Variants in ZFR observed in about 807,000 individuals in gnomAD.
The protein encoded by ZFR is zinc finger RNA-binding protein.
ZFR carries 19 observed loss-of-function variants against 130.7 expected under a neutral mutation model. That is an observed-to-expected ratio of 0.15 (90% CI 0.10 to 0.21). The LOEUF (loss-of-function observed/expected upper bound fraction) is 0.21. Among genes scored for constraint, ZFR ranks in the 10% least tolerant of loss-of-function variants. The pLI is 1.00. For synonymous variants in ZFR, 466 were observed against 456.9 expected (o/e 1.02, Z -0.25); for missense variants, 872 against 1,321.5 (o/e 0.66, Z 5.27).
At chr5:32,363,866 T>A in intron 19 of ZFR, 82 bp downstream of exon 19, 1 of 1,160,704 alleles carries the variant, frequency 8.6e-7, no homozygotes, top group Non-Finnish European at 1.2e-6. Context: ...TAGTGACTTA[T>A]AATATTCCTT....
At chr5:32,397,939 G>A (rs1474574719) in intron 9 of ZFR, among the ~76,000 whole-genome samples, 1 of 123,748 alleles carries the variant, frequency 8.1e-6, no homozygotes, top group Non-Finnish European at 1.6e-5. Context: ...CTCACTGCCA[G>A]CTCCGCCTCC....
chr5:32,413,008 G>A (rs1217045463), intron 5 of ZFR, among the ~76,000 whole-genome samples: 3 of 152,110 alleles, frequency 2.0e-5, no homozygotes, highest in African/African-American at 7.2e-5. Context: ...TGCCAACATG[G>A]CGAAACCCTG....
intron 17 of ZFR, among the ~76,000 whole-genome samples, chr5:32,372,847 A>T (rs1171317194): frequency 6.6e-6 from 1 of 152,102 alleles, no homozygotes; most frequent in Non-Finnish European, 1.5e-5. Context: ...AAAAACAAAC[A>T]AAACAAACAA....
intron 19 of ZFR, among the ~76,000 whole-genome samples, chr5:32,358,961 C>T (rs1048341501): frequency 6.6e-6 from 1 of 152,018 alleles, no homozygotes; most frequent in Non-Finnish European, 1.5e-5. Flanking sequence ...GGTGGCTAAG[C>T]ACTTTGGGAG....
Position 32,355,727 on chromosome 5 carries a change from G to T in ZFR, c.*33C>A. ...AAAAACAGCCAACAAATGGGCATCT[G>T]TTTTTTTAACACTGAAGATTTACAG... On this transcript the variant is annotated 3_prime_UTR_variant, in exon 20 of 20. Transcript: ENST00000265069. The T allele has an allele frequency of 6.6e-7, 1 of 1,526,564 alleles. No homozygotes were observed. The highest frequency in any genetic ancestry group is 8.8e-7 in the Non-Finnish European group (1 of 1,138,782). 94.6% of individuals were successfully genotyped at this position (1,526,564 alleles called of 1,614,324 possible).
rs1215231453 is a variant in ZFR, at chr5:32,400,054, C to G, written c.1666G>C (p.Ala556Pro). Residue 556 changes from alanine (A) to proline (P), a missense_variant, in exon 9 of 20, where the codon GCT (alanine) becomes CCT (proline). Physicochemically the swap from Ala to Pro is conservative, Grantham distance 27. Transcript: ENST00000265069. ...ACTGGCTGCACATCACTCTGTAAAG[C>G]AGCAAGAGATGCAGGTGTGACTGGT... ...SEPVTPASLA[A>P]LQSDVQPVGH... The G allele has an allele frequency of 6.2e-7, 1 of 1,612,956 alleles. No homozygotes were observed. The highest frequency in any genetic ancestry group is 8.5e-7 in the Non-Finnish European group (1 of 1,179,480).
chr5:32,385,686 G>C, intron 14 of ZFR, 37 bp from the exon 15 acceptor site: 1 of 1,606,768 alleles, frequency 6.2e-7, no homozygotes, highest in Non-Finnish European at 8.5e-7. Flanking sequence ...AATTGGATCT[G>C]TTGTATTAAC....
chr5:32,382,815 A>C (rs1285651122), intron 15 of ZFR, among the ~76,000 whole-genome samples: 1 of 152,212 alleles, frequency 6.6e-6, no homozygotes, highest in South Asian at 2.1e-4. Flanking sequence ...AGCTATAAGT[A>C]GAAAATTTTT....
chr5:32,421,691 T>A (rs1466435843), intron 2 of ZFR, among the ~76,000 whole-genome samples: 1 of 152,102 alleles, frequency 6.6e-6, no homozygotes, highest in Non-Finnish European at 1.5e-5. Flanking sequence ...GGTGGCAGAT[T>A]TCAGTCCAAT....
At chr5:32,368,164 C>G (rs112086537) in intron 17 of ZFR, among the ~76,000 whole-genome samples, 8 of 152,174 alleles carry the variant, frequency 5.3e-5, no homozygotes, top group African/African-American at 1.2e-4. Context: ...TTCAGTAACA[C>G]AGGCACTTTC....
rs745841891 is a variant in ZFR, at chr5:32,385,649, C to T, written c.2500G>A (p.Val834Ile). ...ATGTCATACTTCTCAGGGCTTATAA[C>T]CTGTGTAATGAAGATGATAAGAAAC... ...IAENLPKQLA[V>I]ISPEKYDIKC... The change falls in exon 15 of 20, where the codon GTT (valine) becomes ATT (isoleucine). Residue 834 changes from valine to isoleucine, a missense_variant and splice_region_variant. Physicochemically the swap from Val to Ile is conservative, Grantham distance 29. Transcript: ENST00000265069. 5.6e-6 allele frequency: 9 copies of T among 1,612,216 alleles called. No individual in the cohort carries two copies. In the Admixed American group the frequency reaches 1.2e-4, roughly 21 times the overall value.
chr5:32,418,385 T>A (rs1246263816), intron 3 of ZFR, among the ~76,000 whole-genome samples: 2 of 152,164 alleles, frequency 1.3e-5, no homozygotes, highest in Non-Finnish European at 1.5e-5. Flanking sequence ...ATTAAAAAAG[T>A]CACAGAAGTT....
chr5:32,376,624 A>G (rs1427594633), intron 17 of ZFR, among the ~76,000 whole-genome samples: 1 of 151,748 alleles, frequency 6.6e-6, no homozygotes, highest in African/African-American at 2.4e-5. Flanking sequence ...AAAGAAAAAA[A>G]AAAGAAAGCA....
At chr5:32,424,290 T>A (rs900446312) in intron 2 of ZFR, among the ~76,000 whole-genome samples, 2 of 152,184 alleles carry the variant, frequency 1.3e-5, no homozygotes, top group Admixed American at 1.3e-4. Flanking sequence ...ACGCCTGTAA[T>A]CCCAGCACTT....
chr5:32,408,539 A>T (rs987269176), intron 5 of ZFR, among the ~76,000 whole-genome samples: 2 of 152,180 alleles, frequency 1.3e-5, no homozygotes, highest in Non-Finnish European at 2.9e-5. Flanking sequence ...ATCTAAAAAC[A>T]TCTTCATTAT....
At chr5:32,381,685 A>T (rs1346718422) in intron 15 of ZFR, among the ~76,000 whole-genome samples, 1 of 152,124 alleles carries the variant, frequency 6.6e-6, no homozygotes, top group African/African-American at 2.4e-5. Flanking sequence ...ACATATTTTG[A>T]AACTGATAGA....
intron 2 of ZFR, among the ~76,000 whole-genome samples, chr5:32,422,973 C>G (rs1281029388): frequency 1.3e-5 from 2 of 151,890 alleles, no homozygotes; most frequent in African/African-American, 4.8e-5. Context: ...ACCTACTTAT[C>G]AACAACAACA....
At chr5:32,401,377 G>C (rs533180341) in intron 8 of ZFR, among the ~76,000 whole-genome samples, 3 of 152,234 alleles carry the variant, frequency 2.0e-5, no homozygotes, top group African/African-American at 7.2e-5. Flanking sequence ...AATTTAGAAG[G>C]AGCCACCACC....
In ZFR at chr5:32,438,559, G is replaced by A. The variant is rs564171456; in HGVS notation, c.137+5670C>T. On this transcript the variant is annotated intron_variant, in intron 2 of 19. Transcript: ENST00000265069. ...ATTACAGGCATGAGCCACCGCTCCCGGCCTTTGCCTGATCATAGATCCAGA... is the reference window on the plus strand; with the variant it reads ...ATTACAGGCATGAGCCACCGCTCCCAGCCTTTGCCTGATCATAGATCCAGA... Among the ~76,000 whole-genome samples, 54 of 152,120 alleles carry A rather than the reference G, an allele frequency of 3.5e-4. 1 individual carries two copies. The highest frequency in any genetic ancestry group is 1.2e-3 in the African/African-American group (51 of 41,504).
Sources: allele counts gnomAD v4.1 joint callset (sites outside exome capture counted in the v4.1 genomes callset), GRCh38; gene constraint gnomAD v4.1.1; transcripts MANE v1.5; gene names NCBI Gene and HGNC (gene_info 2026-07-23, HGNC 2026-07-21).